The following FGFR1 variants were observed in gnomAD, a reference collection of about 807,000 sequenced individuals.
The protein encoded by FGFR1 is fibroblast growth factor receptor 1.
In FGFR1, 18 loss-of-function variants were observed where a neutral mutation model predicts 93.7. The observed-to-expected ratio is 0.19, with a 90% CI of 0.13 to 0.28. The LOEUF (loss-of-function observed/expected upper bound fraction) is 0.28. Ranked by LOEUF, FGFR1 falls within the 10% of genes least tolerant of loss-of-function variation. The pLI is 1.00. For missense variants in FGFR1, 731 were observed against 1,080.4 expected (o/e 0.68, Z 4.53); for synonymous variants, 448 against 429.3 (o/e 1.04, Z -0.54).
chr8:38,417,498 G>C, intron 11 of FGFR1, 82 bp from the exon 12 acceptor site: 1 of 1,193,832 alleles, frequency 8.4e-7, no homozygotes, highest in South Asian at 1.2e-5. Context: ...TATGTGTCGA[G>C]GGGCTGCTTT....
rs1820123389 is a variant in FGFR1, at chr8:38,424,758, G to C, written c.746-59C>G. On this transcript the variant is annotated intron_variant, in intron 6 of 17. Coordinates refer to ENST00000447712, the MANE Select transcript of FGFR1 (RefSeq NM_023110.3). This position sits in a 1 kb window ranked among gnomAD's most constrained non-coding sequence, Gnocchi z 4.3. ...GGGACCTTGCCATGGCTAAAGAGGG[G>C]TGGGCTCACCTGCGCCCCACTTGGC... The C allele has an allele frequency of 6.4e-7, 1 of 1,570,746 alleles. No individual in the cohort carries two copies. Among genetic ancestry groups the C allele is most frequent in the Non-Finnish European group, 8.7e-7 (1 of 1,150,848 alleles).
intron 1 of FGFR1, among the ~76,000 whole-genome samples, chr8:38,464,429 G>A (rs1162760266): frequency 2.0e-5 from 3 of 152,026 alleles, no homozygotes; most frequent in East Asian, 3.8e-4. Flanking sequence ...CAAATTCTTG[G>A]GATAGTTCAT....
In FGFR1 at chr8:38,412,983, T is replaced by C. The variant is rs1814885333; in HGVS notation, c.*645A>G. ...AATATATACTCAGATTTATACACTTTGTGTTTTCTTCATAGCTATATACAG... is the reference window on the plus strand; with the variant it reads ...AATATATACTCAGATTTATACACTTCGTGTTTTCTTCATAGCTATATACAG... On this transcript the variant is annotated 3_prime_UTR_variant, in exon 18 of 18. Coordinates refer to ENST00000447712, the MANE Select transcript of FGFR1 (RefSeq NM_023110.3). 4.3e-6 allele frequency: 1 copy of C among 233,360 alleles called. No homozygotes were observed. Among genetic ancestry groups the C allele is most frequent in the South Asian group, 1.8e-4 (1 of 5,532 alleles). The allele number at this position is 233,360 out of a possible 1,614,324, so 14.5% of individuals were successfully genotyped here. A position where few individuals can be genotyped will look rare whatever the true frequency, so the allele number is the denominator to read the frequency against.
At position 38,424,430 on chromosome 8, in the gene FGFR1, T is replaced by G; in HGVS notation, c.936+79A>C. On this transcript the variant is annotated intron_variant, in intron 7 of 17. Transcript: ENST00000447712. The surrounding 1 kb of genome is among the most constrained non-coding windows in gnomAD (Gnocchi z 4.3). ...GATCCCATTCGGGGGCAACTGAGCCTGCCCACAGGAACTTGAGCCCCCGAG... is the reference window on the plus strand; with the variant it reads ...GATCCCATTCGGGGGCAACTGAGCCGGCCCACAGGAACTTGAGCCCCCGAG... 6.5e-7 allele frequency: 1 copy of G among 1,536,128 alleles called. No homozygotes were observed. The highest frequency in any genetic ancestry group is 1.1e-5 in the South Asian group (1 of 89,062).
chr8:38,440,259 G>A, intron 2 of FGFR1: 1 of 1,552,686 alleles, frequency 6.4e-7, no homozygotes, highest in East Asian at 2.3e-5. Context: ...CTCTGCAGAG[G>A]TTTTTTTATT....
At chr8:38,464,471 C>T (rs71517713) in intron 1 of FGFR1, among the ~76,000 whole-genome samples, 70 of 152,170 alleles carry the variant, frequency 4.6e-4, no homozygotes, top group Non-Finnish European at 7.5e-4. Flanking sequence ...GGGGAGAGGG[C>T]CCTAAACATG....
intron 2 of FGFR1, among the ~76,000 whole-genome samples, chr8:38,437,112 T>C (rs576745847): frequency 6.6e-6 from 1 of 152,288 alleles, no homozygotes; most frequent in South Asian, 2.1e-4. Flanking sequence ...ACTCCTGAAC[T>C]TAAGTGATCC....
At position 38,413,272 on chromosome 8, in the gene FGFR1, C is replaced by T. The variant is rs915625373; in HGVS notation, c.*356G>A. 1.3e-5 allele frequency: 5 copies of T among 375,970 alleles called. No individual in the cohort carries two copies. Among genetic ancestry groups the T allele is most frequent in the Admixed American group, 1.3e-4 (3 of 23,346 alleles). 23.3% of individuals were successfully genotyped at this position (375,970 alleles called of 1,614,324 possible). The stretch of plus-strand genomic sequence containing the variant: ...TGGGTGAAGGCAAAACAGACCAAAC[C>T]GACAGGAGAAAGCTCAGGAAGCTCT... On this transcript the variant is annotated 3_prime_UTR_variant, in exon 18 of 18. Transcript: ENST00000447712. The surrounding 1 kb of genome is among the most constrained non-coding windows in gnomAD (Gnocchi z 4.2).
At chr8:38,419,815 C>T (rs895646550) in intron 8 of FGFR1, 80 bp from the exon 9 acceptor site, 2 of 1,211,282 alleles carry the variant, frequency 1.7e-6, no homozygotes, top group African/African-American at 3.0e-5. Context: ...AAAAGCAACA[C>T]CTGTCTCCTG....
At chr8:38,454,749 T>G (rs545430795) in intron 2 of FGFR1, among the ~76,000 whole-genome samples, 2 of 152,306 alleles carry the variant, frequency 1.3e-5, no homozygotes, top group East Asian at 3.9e-4. Flanking sequence ...GTTTTACAGA[T>G]GAGCAAACTG....
chr8:38,430,019 G>A (rs376244534), intron 2 of FGFR1, 71 bp from the exon 3 acceptor site: 2 of 1,465,216 alleles, frequency 1.4e-6, no homozygotes, highest in Non-Finnish European at 1.8e-6. Context: ...GGGAGGAGGG[G>A]AGAGACAAAG....
chr8:38,422,344 A>C (rs1193535223), intron 7 of FGFR1: 3 of 431,474 alleles, frequency 7.0e-6, no homozygotes, highest in Non-Finnish European at 8.7e-6. Context: ...GCACACGCAT[A>C]CACACACGCA....
At chr8:38,430,357 C>T (rs1187546437) in intron 2 of FGFR1, 1 of 201,428 alleles carries the variant, frequency 5.0e-6, no homozygotes. Context: ...AGAGGAACAC[C>T]CCATTTCCTT....
intron 1 of FGFR1, chr8:38,466,201 G>GC (rs1176176041): frequency 4.3e-6 from 1 of 232,326 alleles, no homozygotes; most frequent in Non-Finnish European, 8.5e-6. Context: ...CACACAGAGA[G>GC]CGCCTCTGGC....
At position 38,411,696 on chromosome 8, in the gene FGFR1, C is replaced by T. The variant is rs1453876351; in HGVS notation, c.*1932G>A. The T allele has an allele frequency of 2.2e-5, 5 of 230,246 alleles. No homozygotes were observed. Among genetic ancestry groups the T allele is most frequent in the East Asian group, 6.2e-5 (1 of 16,178 alleles). The allele number at this position is 230,246 out of a possible 1,614,324, so 14.3% of individuals were successfully genotyped here. ...GAGTGGTAGTTTGAGCCATGAGGTA[C>T]GGGGGAGCCAGAATCCACTTAGTGA... On this transcript the variant is annotated 3_prime_UTR_variant, in exon 18 of 18. Transcript: ENST00000447712.
At chr8:38,428,712 A>C (rs756772166) in intron 3 of FGFR1, 22 of 479,020 alleles carry the variant, frequency 4.6e-5, no homozygotes, top group Admixed American at 1.7e-4. Flanking sequence ...ATTCCGTCCT[A>C]CATTCAAAGG....
chr8:38,455,342 G>A (rs1398028357), intron 2 of FGFR1, among the ~76,000 whole-genome samples: 4 of 152,118 alleles, frequency 2.6e-5, no homozygotes, highest in Non-Finnish European at 5.9e-5. Context: ...GTGCAGTGGC[G>A]CGATCTCAGC....
At chr8:38,454,973 CTTTTTTTT>C (rs11434747) in intron 2 of FGFR1, among the ~76,000 whole-genome samples, 1 of 111,170 alleles carries the variant, frequency 9.0e-6, no homozygotes, top group East Asian at 2.8e-4. Flanking sequence ...TCTTTTCTTG[CTTTTTTTT>C]TTTTTTTTTT....
chr8:38,423,004 T>G (rs1235035090), intron 7 of FGFR1: 1 of 779,050 alleles, frequency 1.3e-6, no homozygotes, highest in African/African-American at 1.7e-5. Flanking sequence ...CAGCACAGGG[T>G]CCCATCCATC....
Sources: gnomAD v4.1 joint callset for allele counts (sites outside exome capture counted in the v4.1 genomes callset) on GRCh38, gnomAD v4.1.1 for gene constraint, Gnocchi (gnomAD v3.1) non-coding constraint, MANE v1.5 for transcripts, NCBI Gene and HGNC (gene_info 2026-07-23, HGNC 2026-07-21) for gene names.